The following CLVS1 variants were observed in gnomAD, a reference collection of about 807,000 sequenced individuals.
The protein encoded by CLVS1 is clavesin-1.
CLVS1 carries 10 observed loss-of-function variants against 33.1 expected under a neutral mutation model. That is an observed-to-expected ratio of 0.30 (90% CI 0.19 to 0.51). The LOEUF (loss-of-function observed/expected upper bound fraction) is 0.51. CLVS1 is among the 20% of genes least tolerant of loss of function. The pLI is 0.97. For missense variants in CLVS1, 343 were observed against 433.4 expected (o/e 0.79, Z 1.85); for synonymous variants, 163 against 166.1 (o/e 0.98, Z 0.14).
At chr8:61,182,512 G>A (rs1807258843) in intron 2 of CLVS1, among the ~76,000 whole-genome samples, 1 of 152,108 alleles carries the variant, frequency 6.6e-6, no homozygotes, top group South Asian at 2.1e-4. Context: ...CCATCCAAAA[G>A]TGGGCAAAGA....
chr8:61,197,132 A>G (rs1220514804), intron 2 of CLVS1, among the ~76,000 whole-genome samples: 1 of 152,202 alleles, frequency 6.6e-6, no homozygotes, highest in East Asian at 1.9e-4. Flanking sequence ...CAAGAATGGT[A>G]TTAGCAGTAG....
rs1047288304 is a variant in CLVS1, at chr8:61,156,126, A to T, written c.-152+24266A>T. On this transcript the variant is annotated intron_variant, in intron 2 of 2. Transcript: ENST00000522621. ...CTACTCAGTAGGCTGAGGCAGGAGG[A>T]TCGCTTGAACCCGGAAGGTGGAGGT... 2.7e-5 allele frequency among the ~76,000 whole-genome samples: 4 copies of T among 148,934 alleles called. No individual in the cohort carries two copies. The Admixed American group carries it at 2.7e-4, about 10-fold the overall frequency.
chr8:61,397,014 T>C (rs147689144), intron 3 of CLVS1, among the ~76,000 whole-genome samples: 112 of 152,330 alleles, frequency 7.4e-4, no homozygotes, highest in Admixed American at 2.4e-3. Flanking sequence ...CATATTTTTG[T>C]ATAGACATTT....
intron 2 of CLVS1, among the ~76,000 whole-genome samples, chr8:61,132,475 G>A (rs533390231): frequency 1.3e-5 from 2 of 152,352 alleles, no homozygotes; most frequent in South Asian, 4.1e-4. Flanking sequence ...TGCTGAGACT[G>A]GCTGAATGGG....
chr8:61,175,212 T>G (rs1181477276), intron 2 of CLVS1, among the ~76,000 whole-genome samples: 1 of 152,204 alleles, frequency 6.6e-6, no homozygotes, highest in Non-Finnish European at 1.5e-5. Context: ...GTGATGGTGT[T>G]AGAAAGTGAG....
intron 1 of CLVS1, among the ~76,000 whole-genome samples, chr8:61,099,149 C>T (rs1301594704): frequency 6.6e-6 from 1 of 152,018 alleles, no homozygotes; most frequent in Non-Finnish European, 1.5e-5. Context: ...GTTTGACAAA[C>T]AATGTTTTCT....
intron 2 of CLVS1, among the ~76,000 whole-genome samples, chr8:61,191,181 T>G (rs1271467932): frequency 6.6e-6 from 1 of 152,162 alleles, no homozygotes; most frequent in African/African-American, 2.4e-5. Flanking sequence ...TCCACCATGA[T>G]CAAGTGGGCT....
At chr8:61,201,097 C>A (rs1450826521) in intron 2 of CLVS1, among the ~76,000 whole-genome samples, 1 of 152,196 alleles carries the variant, frequency 6.6e-6, no homozygotes, top group Non-Finnish European at 1.5e-5. Context: ...CACACACACA[C>A]AAAGCAATTC....
At chr8:61,436,151 C>T (rs57560647) in intron 3 of CLVS1, among the ~76,000 whole-genome samples, 4,923 of 152,192 alleles carry the variant, frequency 0.032, 271 homozygotes, top group African/African-American at 0.11. Context: ...TCAAGGACCT[C>T]ATCCTTGAAA....
At chr8:61,329,666 G>A (rs1226379852) in intron 2 of CLVS1, among the ~76,000 whole-genome samples, 2 of 151,968 alleles carry the variant, frequency 1.3e-5, no homozygotes, top group African/African-American at 4.8e-5. Context: ...AAAACAAATA[G>A]TTAAATCACA....
chr8:61,352,348 C>G (rs1482951358), intron 2 of CLVS1, among the ~76,000 whole-genome samples: 1 of 151,868 alleles, frequency 6.6e-6, no homozygotes, highest in Non-Finnish European at 1.5e-5. Context: ...AAAACAGAAA[C>G]ATCTCAGAAG....
intron 2 of CLVS1, among the ~76,000 whole-genome samples, chr8:61,335,076 G>T (rs2129597620): frequency 6.6e-6 from 1 of 152,256 alleles, no homozygotes; most frequent in South Asian, 2.1e-4. Context: ...CCTGGGTTGG[G>T]GGCCAAGATC....
chr8:61,033,161 A>AAGAAAGAAAGAAAGAAAAAGAAAG, the CLVS1 span, among the ~76,000 whole-genome samples: 17 of 92,202 alleles, frequency 1.8e-4, no homozygotes, highest in African/African-American at 7.0e-4. Context: ...GAAAGAAAGA[A>AAGAAAGAAAGAAAGAAAAAGAAAG]AAAGAAAGAA....
chr8:61,435,924 G>GA (rs1024326105), intron 3 of CLVS1, among the ~76,000 whole-genome samples: 10 of 150,826 alleles, frequency 6.6e-5, no homozygotes, highest in Admixed American at 2.6e-4. Flanking sequence ...GTTCATTGCA[G>GA]AAAAAAAAAT....
chr8:60,993,217 C>T, the CLVS1 span, among the ~76,000 whole-genome samples: 2 of 152,360 alleles, frequency 1.3e-5, no homozygotes, highest in South Asian at 4.1e-4. Flanking sequence ...AGCTTGCTCT[C>T]TAGATCTCAA....
At chr8:60,970,140 C>T in the CLVS1 span, among the ~76,000 whole-genome samples, 4 of 152,210 alleles carry the variant, frequency 2.6e-5, no homozygotes, top group Non-Finnish European at 4.4e-5. Context: ...GGGAGGGCTG[C>T]TCTGGATTAA....
chr8:60,996,865 TTTAG>T, the CLVS1 span, among the ~76,000 whole-genome samples: 1 of 152,122 alleles, frequency 6.6e-6, no homozygotes, highest in Non-Finnish European at 1.5e-5. Flanking sequence ...TCTCTGCTCT[TTTAG>T]TTAATGACAA....
At chr8:61,406,226 A>G (rs1210463901) in intron 3 of CLVS1, among the ~76,000 whole-genome samples, 1 of 152,204 alleles carries the variant, frequency 6.6e-6, no homozygotes, top group African/African-American at 2.4e-5. Flanking sequence ...TTCAATTTCC[A>G]TTACTTCTCC....
intron 2 of CLVS1, among the ~76,000 whole-genome samples, chr8:61,234,631 G>A (rs1223663162): frequency 6.6e-6 from 1 of 152,152 alleles, no homozygotes; most frequent in Non-Finnish European, 1.5e-5. Context: ...ATTTTCATAT[G>A]AGAAACCTGA....
Sources: gnomAD v4.1 joint callset for allele counts (sites outside exome capture counted in the v4.1 genomes callset) on GRCh38, gnomAD v4.1.1 for gene constraint, MANE v1.5 for transcripts, NCBI Gene and HGNC (gene_info 2026-07-23, HGNC 2026-07-21) for gene names.